ZPLD1: variants seen among roughly 807,000 people sequenced by gnomAD.
ZPLD1 encodes the protein zona pellucida like domain containing 1.
A neutral mutation model predicts 47.2 loss-of-function variants in ZPLD1; 34 were observed. The observed-to-expected ratio is 0.72, with a 90% CI of 0.55 to 0.96. The LOEUF is 0.96. Among genes scored for constraint, ZPLD1 ranks in the 40% least tolerant of loss-of-function variants. The pLI is 0.00. For missense variants in ZPLD1, 512 were observed against 505.8 expected, an observed-to-expected ratio of 1.01 and a Z score of -0.12; for synonymous variants, 176 against 186.2, an observed-to-expected ratio of 0.95 and a Z score of 0.45.
At chr3:102,472,737 G>T (rs1278504529) in intron 10 of ZPLD1, among the ~76,000 whole-genome samples, 1 of 152,134 alleles carries the variant, frequency 6.6e-6, no homozygotes, top group Non-Finnish European at 1.5e-5. Flanking sequence ...TATAAGAAAA[G>T]AACTTTTAAA....
At chr3:102,387,973 G>C (rs905493686) in intron 6 of ZPLD1, among the ~76,000 whole-genome samples, 15 of 146,754 alleles carry the variant, frequency 1.0e-4, no homozygotes, top group Non-Finnish European at 2.2e-4. Flanking sequence ...CCATTCTCCT[G>C]CCTCAGCCTC....
Position 102,457,811 on chromosome 3 carries a change from C to G in ZPLD1, c.540C>G (p.Asn180Lys). 6.2e-7 allele frequency: 1 copy of G among 1,613,910 alleles called. No individual in the cohort carries two copies. Among genetic ancestry groups the G allele is most frequent in the Non-Finnish European group, 8.5e-7 (1 of 1,179,926 alleles). Residue 180 changes from asparagine to lysine, a missense_variant, in exon 6 of 12, where the codon AAC becomes AAG. Asn to Lys is a moderately conservative substitution (Grantham distance 94). Coordinates refer to ENST00000466937, the MANE Select transcript of ZPLD1 (RefSeq NM_001329788.2). ...SSSAAISVRE[N>K]NGTFVSTLNL... ...CAGCGGCTATTTCTGTGAGAGAGAA[C>G]AATGGCACATTTGTCAGCACTTTGA... is the stretch of plus-strand genomic sequence containing the variant.
In ZPLD1 at chr3:102,479,582, C is replaced by T. The variant is rs1247107233; in HGVS notation, c.*1964C>T. 3 of 152,104 alleles carry T rather than the reference C, an allele frequency of 2.0e-5. No homozygotes were observed. Among genetic ancestry groups the T allele is most frequent in the Admixed American group, 1.3e-4 (2 of 15,270 alleles). 9.4% of individuals were successfully genotyped at this position (152,104 alleles called of 1,614,324 possible). ...AAGTATCACATTATTTTTTGCCACC[C>T]TTTCATCATAAATGGAAGAATCAGA... On this transcript the variant is annotated 3_prime_UTR_variant, in exon 12 of 12. Transcript: ENST00000466937.
chr3:102,415,056 T>C (rs1000422585), intron 7 of ZPLD1, among the ~76,000 whole-genome samples: 4 of 151,912 alleles, frequency 2.6e-5, no homozygotes, highest in African/African-American at 9.7e-5. Flanking sequence ...AAATCGATTG[T>C]ACTTATGTAT....
chr3:102,408,899 A>G (rs2107297531), intron 7 of ZPLD1, among the ~76,000 whole-genome samples: 1 of 151,988 alleles, frequency 6.6e-6, no homozygotes, highest in East Asian at 2.0e-4. Flanking sequence ...CAAATGTGAT[A>G]GCATAGTGAG....
At chr3:102,401,198 A>G (rs1465151244) in intron 7 of ZPLD1, among the ~76,000 whole-genome samples, 2 of 152,122 alleles carry the variant, frequency 1.3e-5, no homozygotes, top group Non-Finnish European at 2.9e-5. Flanking sequence ...TTCCTGCTCT[A>G]TAATGAGCTA....
At chr3:102,399,572 A>G (rs1313452196) in intron 7 of ZPLD1, among the ~76,000 whole-genome samples, 6 of 152,024 alleles carry the variant, frequency 3.9e-5, no homozygotes, top group Admixed American at 1.3e-4. Context: ...TCTTTTTTAA[A>G]TGTCTGCATG....
At chr3:102,443,323 C>CCT (rs1707209781) in intron 3 of ZPLD1, among the ~76,000 whole-genome samples, 1 of 152,136 alleles carries the variant, frequency 6.6e-6, no homozygotes, top group Non-Finnish European at 1.5e-5. Flanking sequence ...GTACCAGGCA[C>CCT]CTCACAGAAT....
intron 3 of ZPLD1, 99 bp downstream of exon 3, chr3:102,438,692 T>C (rs1707129002): frequency 1.2e-6 from 1 of 804,050 alleles, no homozygotes; most frequent in South Asian, 1.9e-5. Flanking sequence ...GGGGGCTATC[T>C]CTTTACATTA....
intron 8 of ZPLD1, among the ~76,000 whole-genome samples, chr3:102,426,490 C>A (rs1430263269): frequency 6.6e-6 from 1 of 151,032 alleles, no homozygotes; most frequent in African/African-American, 2.4e-5. Context: ...TGCACTCCAG[C>A]CTGGGCAACA....
chr3:102,409,202 G>A (rs925355719), intron 7 of ZPLD1, among the ~76,000 whole-genome samples: 2 of 151,770 alleles, frequency 1.3e-5, no homozygotes, highest in Non-Finnish European at 2.9e-5. Flanking sequence ...GGAAGAGCAG[G>A]TGCAAGAGAC....
intron 7 of ZPLD1, among the ~76,000 whole-genome samples, chr3:102,396,732 A>C (rs1706561841): frequency 6.6e-6 from 1 of 152,118 alleles, no homozygotes; most frequent in South Asian, 2.1e-4. Flanking sequence ...TGAGCCTTTG[A>C]CCACGGCACT....
intron 7 of ZPLD1, among the ~76,000 whole-genome samples, chr3:102,395,187 A>G (rs933514109): frequency 6.6e-6 from 1 of 152,124 alleles, no homozygotes; most frequent in East Asian, 1.9e-4. Context: ...GGCAAATAAC[A>G]GACTCCAAAA....
intron 8 of ZPLD1, among the ~76,000 whole-genome samples, chr3:102,466,875 C>G (rs144474821): frequency 1.3e-5 from 2 of 151,486 alleles, no homozygotes; most frequent in African/African-American, 4.8e-5. Flanking sequence ...TTAGAATTGT[C>G]CCCCCAAAAG....
intron 8 of ZPLD1, 28 bp downstream of exon 8, chr3:102,464,279 T>G: frequency 6.9e-7 from 1 of 1,455,366 alleles, no homozygotes; most frequent in Non-Finnish European, 9.6e-7. Context: ...AAGTATTATA[T>G]TGATACCAAT....
intron 5 of ZPLD1, 147 bp from the exon 6 acceptor site, chr3:102,457,634 C>T (rs1576159494): frequency 1.6e-6 from 1 of 629,738 alleles, no homozygotes; most frequent in Admixed American, 3.1e-5. Flanking sequence ...TTTATCTGTT[C>T]AGAGATTTAA....
chr3:102,421,035 G>T (rs1352264765), intron 8 of ZPLD1, among the ~76,000 whole-genome samples: 1 of 151,948 alleles, frequency 6.6e-6, no homozygotes, highest in African/African-American at 2.4e-5. Flanking sequence ...GTAAAGTTAG[G>T]ATTCTCTATA....
intron 8 of ZPLD1, 98 bp downstream of exon 8, chr3:102,464,349 T>A: frequency 1.2e-6 from 1 of 806,790 alleles, no homozygotes; most frequent in Non-Finnish European, 1.9e-6. Flanking sequence ...AAAGCACTAT[T>A]ATAGCTTTTG....
chr3:102,404,368 CTTTTT>C (rs1187791638), intron 7 of ZPLD1, among the ~76,000 whole-genome samples: 1 of 151,882 alleles, frequency 6.6e-6, no homozygotes, highest in Non-Finnish European at 1.5e-5. Flanking sequence ...TTTTCTGTGC[CTTTTT>C]TCATTTTGAG....
Sources: gnomAD v4.1 joint callset for allele counts (sites outside exome capture counted in the v4.1 genomes callset) on GRCh38, gnomAD v4.1.1 for gene constraint, MANE v1.5 for transcripts, NCBI Gene and HGNC (gene_info 2026-07-23, HGNC 2026-07-21) for gene names.